ZC4H2: variants seen among roughly 807,000 people sequenced by gnomAD.
ZC4H2 encodes the protein zinc finger C4H2-type containing.
For synonymous variants in ZC4H2, 84 were observed against 66.3 expected, an observed-to-expected ratio of 1.27 and a Z score of -1.30; for missense variants, 137 against 173.9, an observed-to-expected ratio of 0.79 and a Z score of 1.19.
chrX:64,934,446 G>T (rs1025831702), intron 1 of ZC4H2, among the ~76,000 whole-genome samples: 2 of 112,138 alleles, frequency 1.8e-5, no homozygotes, highest in Admixed American at 1.9e-4. Flanking sequence ...CAATTTACAC[G>T]TACACAGTTG....
chrX:64,950,586 C>T (rs1176388310), intron 1 of ZC4H2, among the ~76,000 whole-genome samples: 2 of 110,468 alleles, frequency 1.8e-5, no homozygotes, highest in Admixed American at 9.7e-5. Flanking sequence ...TGAATTGATC[C>T]CTTTACCATT....
At chrX:65,017,686 C>T (rs1263697631) in intron 1 of ZC4H2, among the ~76,000 whole-genome samples, 3 of 111,984 alleles carry the variant, frequency 2.7e-5, no homozygotes, top group African/African-American at 9.7e-5. Flanking sequence ...GTAACTCCTC[C>T]AGCACTTCTG....
intron 1 of ZC4H2, among the ~76,000 whole-genome samples, chrX:64,931,314 T>A (rs1003699442): frequency 1.8e-5 from 2 of 112,103 alleles, no homozygotes; most frequent in Non-Finnish European, 3.8e-5. Flanking sequence ...TTTGTTTCAT[T>A]TATCTTTTGC....
At chrX:64,985,534 C>G (rs773485467) in intron 1 of ZC4H2, among the ~76,000 whole-genome samples, 1 of 111,224 alleles carries the variant, frequency 9.0e-6, no homozygotes, top group Non-Finnish European at 1.9e-5. Flanking sequence ...GCTGGAGATC[C>G]AGAGAAATAA....
chrX:64,936,294 T>C (rs111985303), intron 1 of ZC4H2, among the ~76,000 whole-genome samples: 9,125 of 110,718 alleles, frequency 0.082, 1,026 homozygotes, highest in African/African-American at 0.29. Flanking sequence ...AACCTACGTT[T>C]CATTGGTGTA....
At chrX:64,929,162 G>C (rs763165959) in intron 1 of ZC4H2, among the ~76,000 whole-genome samples, 2 of 110,996 alleles carry the variant, frequency 1.8e-5, no homozygotes, top group East Asian at 5.7e-4. Flanking sequence ...CAAAGTTGTG[G>C]GACTACAGGC....
At chrX:64,931,681 G>T (rs1159034904) in intron 1 of ZC4H2, among the ~76,000 whole-genome samples, 1 of 111,143 alleles carries the variant, frequency 9.0e-6, no homozygotes, top group Admixed American at 9.6e-5. Flanking sequence ...TTTTGAAGTT[G>T]ATTTCCAATT....
intron 1 of ZC4H2, among the ~76,000 whole-genome samples, chrX:65,021,230 T>C (rs972883714): frequency 1.8e-5 from 2 of 110,880 alleles, no homozygotes; most frequent in Non-Finnish European, 3.8e-5. Context: ...ACATTTTTCT[T>C]AGCACCATAT....
intron 1 of ZC4H2, among the ~76,000 whole-genome samples, chrX:65,000,401 A>T (rs183455489): frequency 1.1e-3 from 119 of 112,256 alleles, no homozygotes; most frequent in African/African-American, 3.8e-3. Context: ...CAACAAAAAA[A>T]GGACGTCCTG....
chrX:64,972,872 T>C (rs1340178235), intron 1 of ZC4H2, among the ~76,000 whole-genome samples: 1 of 112,286 alleles, frequency 8.9e-6, no homozygotes, highest in South Asian at 3.7e-4. Flanking sequence ...GAACATCAAG[T>C]ATATATTTAT....
At chrX:64,921,124 C>T (rs1007762077) in intron 2 of ZC4H2, among the ~76,000 whole-genome samples, 2 of 112,253 alleles carry the variant, frequency 1.8e-5, no homozygotes, top group African/African-American at 6.5e-5. Context: ...AGTATTGCCA[C>T]AGAAATGAGT....
At position 64,920,215 on chromosome X, in the gene ZC4H2, G is replaced by T; in HGVS notation, c.264C>A (p.Asn88Lys). The change falls in exon 3 of 5, where the codon AAC becomes AAA. Residue 88 changes from asparagine to lysine, a missense_variant. Asn to Lys is a moderately conservative substitution (Grantham distance 94, BLOSUM62 0). Coordinates refer to ENST00000374839, the MANE Select transcript of ZC4H2 (RefSeq NM_018684.4). ...GCCTCCTTGTAGACTCTAGCAGCTT[G>T]TTTAGGTCATTCTCAGATTGTTTGA... ...NTIKQSENDLNKLLESTRRLH... is the reference protein window; with the variant it reads ...NTIKQSENDLKKLLESTRRLH... The T allele has an allele frequency of 2.5e-6, 3 of 1,211,078 alleles. No homozygotes were observed. The highest frequency in any genetic ancestry group is 3.4e-6 in the Non-Finnish European group (3 of 895,244).
chrX:64,961,418 C>G (rs372613642), intron 1 of ZC4H2, among the ~76,000 whole-genome samples: 4 of 111,177 alleles, frequency 3.6e-5, no homozygotes, highest in Admixed American at 9.6e-5. Context: ...CATCTATAGA[C>G]TTTTTATTTG....
chrX:64,954,768 AC>A (rs764674763), intron 1 of ZC4H2, among the ~76,000 whole-genome samples: 1 of 110,581 alleles, frequency 9.0e-6, no homozygotes, highest in African/African-American at 3.3e-5. Context: ...AAAACTACTA[AC>A]CCAAGTAGAA....
At chrX:64,919,848 C>A (rs1417274779) in intron 3 of ZC4H2, 4 of 346,307 alleles carry the variant, frequency 1.2e-5, no homozygotes, top group Non-Finnish European at 2.0e-5. Context: ...TCTAATTCAT[C>A]TAGTAATTCA....
At chrX:64,928,012 T>C (rs1420651581) in intron 1 of ZC4H2, among the ~76,000 whole-genome samples, 1 of 112,392 alleles carries the variant, frequency 8.9e-6, no homozygotes, top group Non-Finnish European at 1.9e-5. Flanking sequence ...AAGTTCCTTG[T>C]AGATTCTGGA....
At chrX:65,008,007 C>G (rs1395371735) in intron 1 of ZC4H2, among the ~76,000 whole-genome samples, 2 of 111,278 alleles carry the variant, frequency 1.8e-5, no homozygotes, top group Non-Finnish European at 3.8e-5. Context: ...TGGAAACAAT[C>G]AACAAAGTGA....
chrX:64,959,213 G>A (rs948155646), intron 1 of ZC4H2, among the ~76,000 whole-genome samples: 1 of 108,516 alleles, frequency 9.2e-6, no homozygotes, highest in African/African-American at 3.4e-5. Flanking sequence ...ATACAGTGAA[G>A]CAACAATATA....
In ZC4H2 at chrX:64,970,459, C is replaced by T. The variant is rs759081736; in HGVS notation, c.53+5866G>A. Among the ~76,000 whole-genome samples, 46 of 79,225 alleles carry T rather than the reference C, an allele frequency of 5.8e-4. 1 individual carries two copies. The highest frequency in any genetic ancestry group is 1.8e-3 in the African/African-American group (36 of 19,614). 68.8% of individuals were successfully genotyped at this position (79,225 alleles called of 115,157 possible). A position where few individuals can be genotyped will look rare whatever the true frequency, so the allele number is the denominator to read the frequency against. ...CTTACCAAGACTGCCACACCAATGGCGGAAGGAAAGGAAGAAGGGAGGAAG... is the reference window on the plus strand; with the variant it reads ...CTTACCAAGACTGCCACACCAATGGTGGAAGGAAAGGAAGAAGGGAGGAAG... On this transcript the variant is annotated intron_variant, in intron 1 of 4. Transcript: ENST00000374839.
Sources: gnomAD v4.1 joint callset for allele counts (sites outside exome capture counted in the v4.1 genomes callset) on GRCh38, gnomAD v4.1.1 for gene constraint, MANE v1.5 for transcripts, NCBI Gene and HGNC (gene_info 2026-07-23, HGNC 2026-07-21) for gene names.